NTM: variants seen among roughly 807,000 people sequenced by gnomAD.
The protein encoded by NTM is neurotrimin, also known as IgLON family member 2.
NTM carries 13 observed loss-of-function variants against 42.1 expected under a neutral mutation model. The observed-to-expected ratio is 0.31, with a 90% CI of 0.20 to 0.49. NTM has a LOEUF of 0.49. Among genes scored for constraint, NTM ranks in the 20% least tolerant of loss-of-function variants. NTM has a pLI of 0.99. For missense variants in NTM, 373 were observed against 452.8 expected (o/e 0.82, Z 1.60); for synonymous variants, 187 against 179.2 (o/e 1.04, Z -0.35).
At chr11:131,754,625 CA>C (rs35686470) in intron 1 of NTM, among the ~76,000 whole-genome samples, 7,765 of 147,074 alleles carry the variant, frequency 0.053, 239 homozygotes, top group South Asian at 0.084. Flanking sequence ...ACCCCAACTC[CA>C]AAAAAAAAAA....
In NTM at chr11:131,370,667, C is replaced by A. The variant is rs1046191171; in HGVS notation, c.-140C>A. On this transcript the variant is annotated 5_prime_UTR_variant, in exon 1 of 9. Transcript: ENST00000683400. ...AAGTCATACTCTCTCACACCCTCGG[C>A]TTTCTTGTTGTGTCCTTCAGCAAAA... The A allele has an allele frequency of 2.9e-6, 2 of 682,186 alleles. No homozygotes were observed. The highest frequency in any genetic ancestry group is 2.8e-5 in the Admixed American group (1 of 36,324). The allele number at this position is 682,186 out of a possible 1,614,324, so 42.3% of individuals were successfully genotyped here. A position where few individuals can be genotyped will look rare whatever the true frequency, so the allele number is the denominator to read the frequency against.
chr11:131,461,379 C>T (rs1425133976), intron 1 of NTM, among the ~76,000 whole-genome samples: 2 of 151,974 alleles, frequency 1.3e-5, no homozygotes, highest in Non-Finnish European at 2.9e-5. Context: ...TGATACCTAC[C>T]GATATTTAAC....
intron 4 of NTM, among the ~76,000 whole-genome samples, chr11:132,213,379 G>A (rs2083229159): frequency 6.6e-6 from 1 of 152,038 alleles, no homozygotes; most frequent in South Asian, 2.1e-4. Flanking sequence ...AGGTGATGGA[G>A]CTGGTCCTCT....
chr11:131,623,907 A>C (rs926447913), intron 1 of NTM, among the ~76,000 whole-genome samples: 1 of 152,220 alleles, frequency 6.6e-6, no homozygotes, highest in South Asian at 2.1e-4. Flanking sequence ...GCAGGAGGAA[A>C]TGAAGGGCCT....
chr11:131,914,733 C>T (rs570602998), intron 2 of NTM, among the ~76,000 whole-genome samples: 2 of 152,344 alleles, frequency 1.3e-5, no homozygotes, highest in Non-Finnish European at 2.9e-5. Flanking sequence ...TGCCCTCCCG[C>T]TGGCATTCTG....
intron 3 of NTM, among the ~76,000 whole-genome samples, chr11:132,207,551 A>G (rs1030137132): frequency 3.9e-5 from 6 of 152,178 alleles, no homozygotes; most frequent in Non-Finnish European, 7.3e-5. Context: ...TGCTTGAATC[A>G]TCCTGAAACC....
chr11:131,798,418 C>T (rs139069914), intron 1 of NTM, among the ~76,000 whole-genome samples: 3 of 152,304 alleles, frequency 2.0e-5, no homozygotes, highest in African/African-American at 7.2e-5. Context: ...CCCGTGGCCT[C>T]GCTTCCCCCA....
In NTM at chr11:132,283,255, G is replaced by A. The variant is rs536438889; in HGVS notation, c.527-24434G>A. On this transcript the variant is annotated intron_variant, in intron 4 of 8. Coordinates refer to ENST00000683400, the MANE Select transcript of NTM (RefSeq NM_001352005.2). Reference sequence around the variant, plus strand: ...CTGCCTCAGCCTCCTAAAGTGCTGGGATTATAGGCATGAGCCACCGCTCCG... The same window carrying A: ...CTGCCTCAGCCTCCTAAAGTGCTGGAATTATAGGCATGAGCCACCGCTCCG... Among the ~76,000 whole-genome samples the A allele has an allele frequency of 1.4e-4, 22 of 152,190 alleles. No homozygotes were observed. In the East Asian group the frequency reaches 3.3e-3, roughly 23 times the overall value.
At chr11:131,698,093 A>C (rs374022055) in intron 1 of NTM, among the ~76,000 whole-genome samples, 3 of 152,320 alleles carry the variant, frequency 2.0e-5, no homozygotes, top group South Asian at 4.1e-4. Flanking sequence ...GTCAAGACAG[A>C]CAAAGTTCTT....
chr11:131,717,153 C>A (rs1040913886), intron 1 of NTM, among the ~76,000 whole-genome samples: 1 of 152,146 alleles, frequency 6.6e-6, no homozygotes, highest in African/African-American at 2.4e-5. Flanking sequence ...TAAACCAAGT[C>A]TTCAAATCAG....
intron 4 of NTM, 43 bp from the exon 5 acceptor site, chr11:132,307,646 T>C: frequency 5.6e-6 from 9 of 1,610,020 alleles, no homozygotes; most frequent in Non-Finnish European, 7.6e-6. Context: ...GTTTGGTCTT[T>C]TTTTTCCTTG....
At chr11:132,234,772 C>G (rs1423058714) in intron 4 of NTM, among the ~76,000 whole-genome samples, 1 of 152,152 alleles carries the variant, frequency 6.6e-6, no homozygotes, top group Admixed American at 6.5e-5. Context: ...ATTTTTACAT[C>G]AAAAAATTAC....
intron 1 of NTM, among the ~76,000 whole-genome samples, chr11:131,802,076 C>T (rs1375396697): frequency 6.6e-6 from 1 of 152,138 alleles, no homozygotes; most frequent in Non-Finnish European, 1.5e-5. Flanking sequence ...CTGAGCATTA[C>T]AATGCATAGG....
chr11:132,060,248 C>A (rs1388699401), intron 2 of NTM, among the ~76,000 whole-genome samples: 1 of 152,242 alleles, frequency 6.6e-6, no homozygotes, highest in East Asian at 1.9e-4. Context: ...ACTTAAGTGT[C>A]TTATTACAAG....
intron 1 of NTM, among the ~76,000 whole-genome samples, chr11:131,615,116 G>T (rs971765009): frequency 2.0e-5 from 3 of 152,160 alleles, no homozygotes; most frequent in African/African-American, 7.2e-5. Flanking sequence ...CTTAATCAAG[G>T]CAGCACACAC....
intron 1 of NTM, among the ~76,000 whole-genome samples, chr11:131,513,570 T>G (rs986269217): frequency 6.6e-6 from 1 of 152,326 alleles, no homozygotes; most frequent in South Asian, 2.1e-4. Flanking sequence ...CCCAAGTCCT[T>G]CTTCCACTGT....
chr11:132,207,321 C>T (rs1364731259), intron 3 of NTM, among the ~76,000 whole-genome samples: 3 of 152,062 alleles, frequency 2.0e-5, no homozygotes, highest in Admixed American at 1.3e-4. Context: ...TGTGAACTGC[C>T]CATGCGAGGG....
chr11:132,149,760 C>T (rs2071436929), intron 3 of NTM, among the ~76,000 whole-genome samples: 1 of 152,012 alleles, frequency 6.6e-6, no homozygotes, highest in South Asian at 2.1e-4. Flanking sequence ...AGGAGGGTGA[C>T]CCTGGAGCCA....
intron 1 of NTM, among the ~76,000 whole-genome samples, chr11:131,772,011 C>A (rs2086182641): frequency 6.6e-6 from 1 of 152,246 alleles, no homozygotes; most frequent in East Asian, 1.9e-4. Context: ...CAACCTAATC[C>A]CAAGTTTCAC....
Sources: allele counts gnomAD v4.1 joint callset (sites outside exome capture counted in the v4.1 genomes callset), GRCh38; gene constraint gnomAD v4.1.1; transcripts MANE v1.5; gene names NCBI Gene and HGNC (gene_info 2026-07-23, HGNC 2026-07-21).